PCSK5: variants seen among roughly 807,000 people sequenced by gnomAD.
PCSK5 encodes the protein prohormone convertase 5.
A neutral mutation model predicts 233.2 loss-of-function variants in PCSK5; 129 were observed. That is an observed-to-expected ratio of 0.55 (90% CI 0.48 to 0.64). The LOEUF (loss-of-function observed/expected upper bound fraction) is 0.64, where lower values mean the gene tolerates loss of function less well. PCSK5 is among the 30% of genes least tolerant of loss of function. The pLI, the probability that PCSK5 is intolerant of heterozygous loss-of-function variation, is 0.00. For missense variants in PCSK5, 2,076 were observed against 2,430.1 expected (o/e 0.85, Z 3.06); for synonymous variants, 825 against 879.2 (o/e 0.94, Z 1.09).
chr9:76,320,838 C>CAG (rs959235737), intron 30 of PCSK5, among the ~76,000 whole-genome samples: 41 of 147,134 alleles, frequency 2.8e-4, no homozygotes, highest in Admixed American at 1.4e-3. Context: ...TTTTTTAAGA[C>CAG]AGAGTCTCAC....
chr9:76,174,703 A>G (rs1823492587), intron 13 of PCSK5, among the ~76,000 whole-genome samples: 2 of 152,224 alleles, frequency 1.3e-5, no homozygotes, highest in Non-Finnish European at 2.9e-5. Context: ...CCCTTGATCC[A>G]GCAATCTGAA....
At chr9:76,113,039 C>T (rs554349377) in intron 9 of PCSK5, among the ~76,000 whole-genome samples, 1 of 152,228 alleles carries the variant, frequency 6.6e-6, no homozygotes, top group African/African-American at 2.4e-5. Context: ...TAGAGAAGTT[C>T]AATTGCTCAA....
At chr9:76,005,292 C>A (rs1827429794) in intron 3 of PCSK5, among the ~76,000 whole-genome samples, 1 of 152,066 alleles carries the variant, frequency 6.6e-6, no homozygotes, top group Non-Finnish European at 1.5e-5. Flanking sequence ...ATGATTATGT[C>A]ATTAATTTGA....
chr9:75,970,586 C>T (rs529059937), intron 2 of PCSK5, among the ~76,000 whole-genome samples: 1 of 152,128 alleles, frequency 6.6e-6, no homozygotes, highest in East Asian at 1.9e-4. Context: ...ATGCCATTCT[C>T]TCTGCTATTT....
intron 24 of PCSK5, among the ~76,000 whole-genome samples, chr9:76,259,850 C>G (rs1827111180): frequency 6.6e-6 from 1 of 152,028 alleles, no homozygotes; most frequent in East Asian, 1.9e-4. Context: ...GTCGTTTCAA[C>G]CCAGTCTATG....
intron 9 of PCSK5, among the ~76,000 whole-genome samples, chr9:76,121,839 T>C (rs1273124045): frequency 2.5e-4 from 9 of 36,268 alleles, no homozygotes; most frequent in South Asian, 7.6e-4. Flanking sequence ...TTTTTTTTTT[T>C]TTGAGACGGA....
At chr9:75,937,180 CT>C (rs35148539) in intron 2 of PCSK5, among the ~76,000 whole-genome samples, 15,127 of 136,100 alleles carry the variant, frequency 0.11, 886 homozygotes, top group East Asian at 0.27. Context: ...TAGCATAATT[CT>C]TTTTTTTTTT....
intron 5 of PCSK5, among the ~76,000 whole-genome samples, chr9:76,046,160 G>GTTTTTTTTTTTTGTTTTTTTT (rs1829368683): frequency 1.7e-5 from 1 of 58,024 alleles, no homozygotes; most frequent in Non-Finnish European, 3.1e-5. Context: ...TTTTTCTTTT[G>GTTTTTTTTTTTTGTTTTTTTT]TTTTTTTTTT....
rs1379039858 is a variant in PCSK5 at position 76,238,973 on chromosome 9, G to A, written c.2881G>A (p.Glu961Lys). 1 of 1,611,902 alleles carries A rather than the reference G, an allele frequency of 6.2e-7. No individual in the cohort carries two copies. The highest frequency in any genetic ancestry group is 8.5e-7 in the Non-Finnish European group (1 of 1,179,534). Residue 961 changes from glutamate (E) to lysine (K), a missense_variant, in exon 23 of 38, where the codon GAG (glutamate) becomes AAG (lysine). Physicochemically the swap from Glu to Lys is moderately conservative, Grantham distance 56. Around this residue, in one of 6 missense-constraint regions of PCSK5, gnomAD observed 1,510 missense variants for 1,538.1 expected, o/e 0.98. Coordinates refer to ENST00000674117, the MANE Select transcript of PCSK5 (RefSeq NM_001372043.1). ...TSCGADNYGREHFLYQGECGD... is the reference protein window; with the variant it reads ...TSCGADNYGRKHFLYQGECGD... ...TAACTGATCAGACAACTATGGCCGA[G>A]AGCACTTCCTGTACCAGGGAGAGTG...
chr9:75,993,312 T>C (rs1340451693), intron 3 of PCSK5, among the ~76,000 whole-genome samples: 1 of 152,162 alleles, frequency 6.6e-6, no homozygotes, highest in Non-Finnish European at 1.5e-5. Flanking sequence ...GATGTGGTTT[T>C]GTTGTACTGG....
intron 2 of PCSK5, among the ~76,000 whole-genome samples, chr9:75,955,821 A>G (rs1825069366): frequency 6.6e-6 from 1 of 152,178 alleles, no homozygotes; most frequent in Non-Finnish European, 1.5e-5. Context: ...TTAGAGGGCC[A>G]TAAACCATTC....
chr9:76,295,196 A>C, intron 25 of PCSK5, 79 bp from the exon 26 acceptor site: 2 of 1,264,068 alleles, frequency 1.6e-6, no homozygotes, highest in Non-Finnish European at 2.2e-6. Context: ...CTGCATAGAC[A>C]TACATAAGGA....
chr9:76,270,451 G>A (rs1165715529), intron 24 of PCSK5, among the ~76,000 whole-genome samples: 1 of 152,166 alleles, frequency 6.6e-6, no homozygotes, highest in African/African-American at 2.4e-5. Context: ...TCTCCAGCCT[G>A]GCCCCCACAA....
At chr9:75,942,977 C>T (rs995969445) in intron 2 of PCSK5, among the ~76,000 whole-genome samples, 10 of 149,620 alleles carry the variant, frequency 6.7e-5, no homozygotes, top group Admixed American at 5.4e-4. Context: ...CTCTGCCTTC[C>T]GGGTTCCAGC....
At chr9:76,320,465 C>CTTCTTTTT (rs1554720984) in intron 30 of PCSK5, among the ~76,000 whole-genome samples, 70 of 102,010 alleles carry the variant, frequency 6.9e-4, no homozygotes, top group African/African-American at 2.6e-3. Flanking sequence ...TACATTGTAG[C>CTTCTTTTT]TTTTTTTTTT....
chr9:76,211,146 A>C (rs1311341035), intron 20 of PCSK5, among the ~76,000 whole-genome samples: 1 of 152,232 alleles, frequency 6.6e-6, no homozygotes, highest in Admixed American at 6.5e-5. Flanking sequence ...TTTAGAAACC[A>C]CTACTTTATG....
rs914391096 is a variant in PCSK5, at chr9:76,024,926, C to A, written c.555+1045C>A. ...AGATACTGTTTCTTCATATTGAAATCTTGGCATAGGAAAACTTTATCATTT... is the reference window on the plus strand; with the variant it reads ...AGATACTGTTTCTTCATATTGAAATATTGGCATAGGAAAACTTTATCATTT... On this transcript the variant is annotated intron_variant, in intron 4 of 37. Transcript: ENST00000674117. Among the ~76,000 whole-genome samples the A allele has an allele frequency of 3.3e-5, 5 of 152,134 alleles. No homozygotes were observed. In the East Asian group the frequency reaches 9.6e-4, roughly 29 times the overall value.
At chr9:76,304,309 C>T (rs1828708120) in intron 28 of PCSK5, among the ~76,000 whole-genome samples, 1 of 152,346 alleles carries the variant, frequency 6.6e-6, no homozygotes, top group South Asian at 2.1e-4. Context: ...TCTATCCATC[C>T]TATCTATGTA....
At chr9:76,244,879 C>G (rs576625753) in intron 24 of PCSK5, among the ~76,000 whole-genome samples, 56 of 152,254 alleles carry the variant, frequency 3.7e-4, no homozygotes, top group African/African-American at 1.3e-3. Context: ...AAATAGATAA[C>G]ATTTTATATA....
Sources: allele counts gnomAD v4.1 joint callset (sites outside exome capture counted in the v4.1 genomes callset), GRCh38; gene constraint gnomAD v4.1.1; regional missense constraint gnomAD v4.1.1; transcripts MANE v1.5; gene names NCBI Gene and HGNC (gene_info 2026-07-23, HGNC 2026-07-21).